PHF6: variants seen among roughly 807,000 people sequenced by gnomAD.
The protein encoded by PHF6 is PHD-like zinc finger protein.
PHF6 carries 7 observed loss-of-function variants against 34.0 expected under a neutral mutation model. That is an observed-to-expected ratio of 0.21 (90% CI 0.12 to 0.39). The LOEUF (loss-of-function observed/expected upper bound fraction) is 0.39. Ranked by LOEUF, PHF6 falls within the 10% of genes least tolerant of loss-of-function variation. PHF6 has a pLI of 1.00. For missense variants in PHF6, 128 were observed against 262.8 expected (o/e 0.49, Z 3.55); for synonymous variants, 89 against 88.4 (o/e 1.01, Z -0.04).
At chrX:134,414,943 C>T (rs1203675750) in intron 7 of PHF6, 73 bp from the exon 8 acceptor site, 1 of 801,770 alleles carries the variant, frequency 1.2e-6, no homozygotes, top group Non-Finnish European at 1.8e-6. Context: ...AAATATAACA[C>T]ACTTGTTATC....
chrX:134,383,482 C>T (rs924306043), intron 3 of PHF6, among the ~76,000 whole-genome samples: 26 of 110,506 alleles, frequency 2.4e-4, no homozygotes, highest in African/African-American at 8.6e-4. Context: ...TGATGACTGT[C>T]CTCAGGTCAC....
Position 134,417,245 on chromosome X carries a change from A to G in PHF6, c.911A>G (p.His304Arg), listed in dbSNP as rs757401276. ...GCCTGTGTTAAGACTTACCATTACC[A>G]CTGTGGAGTACAAGACAAAGCTAAA... is the stretch of plus-strand genomic sequence containing the variant. ...IKACVKTYHYHCGVQDKAKYI... is the reference protein window; with the variant it reads ...IKACVKTYHYRCGVQDKAKYI... Residue 304 changes from histidine to arginine, a missense_variant, in exon 9 of 11, where the codon CAC (histidine) becomes CGC (arginine). Transcript: ENST00000370803. The G allele has an allele frequency of 8.3e-7, 1 of 1,207,327 alleles. No homozygotes were observed. The highest frequency in any genetic ancestry group is 1.1e-6 in the Non-Finnish European group (1 of 892,737).
chrX:134,375,816 C>G (rs2077275904), intron 1 of PHF6, among the ~76,000 whole-genome samples: 1 of 112,163 alleles, frequency 8.9e-6, no homozygotes, highest in Admixed American at 9.5e-5. Flanking sequence ...GATAAAGCAA[C>G]CGAACACAGA....
chrX:134,401,743 CTT>C (rs980525128), intron 5 of PHF6, among the ~76,000 whole-genome samples: 21 of 111,342 alleles, frequency 1.9e-4, no homozygotes, highest in African/African-American at 5.9e-4. Context: ...GTAAAGGAAT[CTT>C]TTGTGCCTAA....
chrX:134,384,801 A>G (rs867160481), intron 3 of PHF6, among the ~76,000 whole-genome samples: 13 of 109,723 alleles, frequency 1.2e-4, no homozygotes, highest in Admixed American at 8.7e-4. Context: ...ACAGGCGCCC[A>G]CCACCGCTCC....
intron 9 of PHF6, among the ~76,000 whole-genome samples, chrX:134,421,091 C>T (rs976778114): frequency 1.8e-5 from 2 of 110,524 alleles, no homozygotes; most frequent in East Asian, 2.8e-4. Context: ...TTGTGTTTAC[C>T]TTATATAACA....
At chrX:134,414,067 A>G in intron 7 of PHF6, 101 bp downstream of exon 7, 2 of 958,037 alleles carry the variant, frequency 2.1e-6, no homozygotes, top group Non-Finnish European at 1.5e-6. Context: ...TTTAAAAATC[A>G]TTTAGCTAGT....
chrX:134,400,729 A>C (rs759834569), intron 5 of PHF6, among the ~76,000 whole-genome samples: 37 of 111,259 alleles, frequency 3.3e-4, no homozygotes, highest in African/African-American at 1.2e-3. Context: ...GAATAGGTTG[A>C]GGGCCCTGTT....
At chrX:134,413,465 A>G in intron 5 of PHF6, 26 bp from the exon 6 acceptor site, 2 of 1,207,243 alleles carry the variant, frequency 1.7e-6, no homozygotes, top group African/African-American at 1.7e-5. Flanking sequence ...TTGGTCCATA[A>G]AAAGTTTTTG....
chrX:134,397,984 T>C (rs2077384173), intron 5 of PHF6, among the ~76,000 whole-genome samples: 1 of 112,360 alleles, frequency 8.9e-6, no homozygotes, highest in Non-Finnish European at 1.9e-5. Flanking sequence ...AATTAAGTCT[T>C]AAAAGACTAA....
At chrX:134,417,328 C>T (rs747924179) in intron 9 of PHF6, 26 bp downstream of exon 9, 4 of 1,195,588 alleles carry the variant, frequency 3.3e-6, no homozygotes, top group South Asian at 3.5e-5. Context: ...TTGTCTATTT[C>T]CCTAAACATG....
chrX:134,380,685 T>C (rs1456834720), intron 3 of PHF6, among the ~76,000 whole-genome samples: 1 of 111,585 alleles, frequency 9.0e-6, no homozygotes, highest in East Asian at 2.8e-4. Context: ...GATTAAGTTA[T>C]TTACTTCTCC....
chrX:134,410,143 T>C, intron 5 of PHF6, among the ~76,000 whole-genome samples: 1 of 111,859 alleles, frequency 8.9e-6, no homozygotes, highest in Non-Finnish European at 1.9e-5. Flanking sequence ...TGTTTCCTTT[T>C]GAATATATAC....
In PHF6 at chrX:134,416,353, A is replaced by G. The variant is rs374746216; in HGVS notation, c.835-816A>G. 2.1e-4 allele frequency among the ~76,000 whole-genome samples: 23 copies of G among 111,941 alleles called. No homozygotes were observed. The East Asian group carries it at 5.6e-3, about 27-fold the overall frequency. ...GTGTTGTATAATACAGCTAAAGTCC[A>G]AACAGGTGACTAAGATAACAATTCA... On this transcript the variant is annotated intron_variant, in intron 8 of 10. Coordinates refer to ENST00000370803, the MANE Select transcript of PHF6 (RefSeq NM_001015877.2).
At chrX:134,396,174 A>T (rs1195358951) in intron 5 of PHF6, among the ~76,000 whole-genome samples, 2 of 111,720 alleles carry the variant, frequency 1.8e-5, no homozygotes, top group Non-Finnish European at 3.8e-5. Flanking sequence ...AGAATGGGGT[A>T]TCCATCCCTA....
At chrX:134,408,415 T>C (rs1291586882) in intron 5 of PHF6, among the ~76,000 whole-genome samples, 1 of 111,907 alleles carries the variant, frequency 8.9e-6, no homozygotes, top group African/African-American at 3.3e-5. Context: ...ATGAGTACTG[T>C]CACGTGGCTT....
chrX:134,417,135 T>C lies in PHF6; in HGVS notation c.835-34T>C, dbSNP rs2077475130. ...GAAAATAGCTGCTGTTTTCTTGAAA[T>C]ACGGCTTACGATTATTTCTCTTTCC... is the stretch of plus-strand genomic sequence containing the variant. On this transcript the variant is annotated intron_variant, in intron 8 of 10. Transcript: ENST00000370803. 2.5e-6 allele frequency: 3 copies of C among 1,205,661 alleles called. No homozygotes were observed. In the South Asian group the frequency reaches 5.3e-5, roughly 21 times the overall value.
intron 3 of PHF6, among the ~76,000 whole-genome samples, chrX:134,393,195 CTTTTAT>C (rs2077362475): frequency 9.0e-6 from 1 of 111,679 alleles, no homozygotes; most frequent in Admixed American, 9.6e-5. Flanking sequence ...TAAAAAGTCT[CTTTTAT>C]AATGTTATAT....
chrX:134,424,111 T>TA (rs760045577), intron 9 of PHF6, among the ~76,000 whole-genome samples: 2,120 of 99,295 alleles, frequency 0.021, 63 homozygotes, highest in African/African-American at 0.073. Context: ...AAAAGTATAA[T>TA]AAAAAAAAAA....
Sources: allele counts gnomAD v4.1 joint callset (sites outside exome capture counted in the v4.1 genomes callset), GRCh38; gene constraint gnomAD v4.1.1; transcripts MANE v1.5; gene names NCBI Gene and HGNC (gene_info 2026-07-23, HGNC 2026-07-21).